The following NDUFV2 variants were observed in gnomAD, a reference collection of about 807,000 sequenced individuals.
NDUFV2 encodes the protein NADH dehydrogenase [ubiquinone] flavoprotein 2, mitochondrial.
Under a neutral mutation model 31.6 loss-of-function variants are expected in NDUFV2, and 18 were observed. That is an observed-to-expected ratio of 0.57 (90% CI 0.39 to 0.84). The LOEUF (loss-of-function observed/expected upper bound fraction) is 0.84, where lower values mean the gene tolerates loss of function less well. NDUFV2 is among the 40% of genes least tolerant of loss of function. The pLI is 0.00. For missense variants in NDUFV2, 314 were observed against 303.6 expected (o/e 1.03, Z -0.26); for synonymous variants, 83 against 99.8 (o/e 0.83, Z 1.01).
At chr18:9,106,680 T>C (rs2077843424) in intron 1 of NDUFV2, among the ~76,000 whole-genome samples, 1 of 152,180 alleles carries the variant, frequency 6.6e-6, no homozygotes, top group Admixed American at 6.5e-5. Flanking sequence ...CCACAAAACT[T>C]TGTGGCATAA....
chr18:9,133,115 G>A (rs2078054789), intron 7 of NDUFV2, among the ~76,000 whole-genome samples: 1 of 152,144 alleles, frequency 6.6e-6, no homozygotes, highest in Admixed American at 6.6e-5. Flanking sequence ...CATCTTGAAA[G>A]ATCTTATATT....
intron 4 of NDUFV2, 133 bp downstream of exon 4, chr18:9,119,723 T>C: frequency 4.0e-6 from 3 of 742,480 alleles, no homozygotes; most frequent in Non-Finnish European, 7.0e-6. Context: ...ATTTGTATGT[T>C]TCCTTGAATT....
chr18:9,119,281 T>C (rs1187602335), intron 2 of NDUFV2, 45 bp from the exon 3 acceptor site: 1 of 1,439,066 alleles, frequency 6.9e-7, no homozygotes, highest in African/African-American at 1.4e-5. Flanking sequence ...TCATTCACAC[T>C]TGAGAGAATT....
chr18:9,115,422 G>A (rs1352125430), intron 1 of NDUFV2, among the ~76,000 whole-genome samples: 1 of 151,994 alleles, frequency 6.6e-6, no homozygotes, highest in Non-Finnish European at 1.5e-5. Context: ...TTAGTATTTA[G>A]TTAAAACCTG....
chr18:9,119,012 T>TA (rs2077915260), intron 2 of NDUFV2, among the ~76,000 whole-genome samples: 2 of 152,140 alleles, frequency 1.3e-5, no homozygotes, highest in African/African-American at 4.8e-5. Context: ...TTTTGGTAAT[T>TA]CTATCAGAAG....
intron 7 of NDUFV2, among the ~76,000 whole-genome samples, chr18:9,133,023 A>G (rs1048774828): frequency 6.6e-6 from 1 of 152,158 alleles, no homozygotes; most frequent in Non-Finnish European, 1.5e-5. Context: ...AGTGAACAAG[A>G]CCTATAATCC....
chr18:9,123,055 C>A (rs1253764367), intron 5 of NDUFV2, among the ~76,000 whole-genome samples: 1 of 152,072 alleles, frequency 6.6e-6, no homozygotes, highest in Non-Finnish European at 1.5e-5. Flanking sequence ...CTAAAGAAGT[C>A]ATGGAACAAA....
chr18:9,115,215 C>T (rs1408758683), intron 1 of NDUFV2, among the ~76,000 whole-genome samples: 2 of 152,248 alleles, frequency 1.3e-5, no homozygotes, highest in East Asian at 3.9e-4. Context: ...ATTTCATTAA[C>T]ATCGTAATAA....
At chr18:9,124,462 TTTTGGA>T (rs2077969675) in intron 5 of NDUFV2, among the ~76,000 whole-genome samples, 1 of 149,428 alleles carries the variant, frequency 6.7e-6, no homozygotes, top group Non-Finnish European at 1.5e-5. Context: ...TTTTTTTTTT[TTTTGGA>T]GATGGAGTCT....
intron 4 of NDUFV2, among the ~76,000 whole-genome samples, chr18:9,120,137 T>C (rs1486846843): frequency 6.6e-6 from 1 of 152,170 alleles, no homozygotes; most frequent in Non-Finnish European, 1.5e-5. Context: ...TTTTTCCTAA[T>C]AGTTTTGAGC....
rs116617839 is a variant in NDUFV2 at position 9,109,781 on chromosome 18, C to T, written c.54+6984C>T. ...GACTCACTACAGATTTTTTAGGAATCGACGAAAAAAAGTATGTAGAAGAGC... is the reference window on the plus strand; with the variant it reads ...GACTCACTACAGATTTTTTAGGAATTGACGAAAAAAAGTATGTAGAAGAGC... On this transcript the variant is annotated intron_variant, in intron 1 of 7. Coordinates refer to ENST00000318388, the MANE Select transcript of NDUFV2 (RefSeq NM_021074.5). Among the ~76,000 whole-genome samples the T allele has an allele frequency of 8.2e-3, 1,240 of 151,744 alleles. 27 individuals carry two copies. The highest frequency in any genetic ancestry group is 0.028 in the African/African-American group (1,178 of 41,378).
intron 1 of NDUFV2, among the ~76,000 whole-genome samples, chr18:9,116,635 T>C (rs1269658439): frequency 5.9e-5 from 9 of 152,258 alleles, no homozygotes; most frequent in Admixed American, 5.9e-4. Context: ...TGTACCTTAG[T>C]CTTTTCTTGT....
chr18:9,123,227 A>G (rs532738336), intron 5 of NDUFV2, among the ~76,000 whole-genome samples: 2 of 152,342 alleles, frequency 1.3e-5, no homozygotes, highest in African/African-American at 4.8e-5. Context: ...AAATGAAGTA[A>G]TATTTTGTTA....
chr18:9,129,256 A>G (rs2078019836), intron 7 of NDUFV2, among the ~76,000 whole-genome samples: 1 of 151,834 alleles, frequency 6.6e-6, no homozygotes, highest in Admixed American at 6.6e-5. Context: ...GGCGTTTAGA[A>G]TCTTCTGCTT....
intron 7 of NDUFV2, chr18:9,133,621 A>C (rs1041641729): frequency 6.5e-6 from 1 of 153,318 alleles, no homozygotes; most frequent in African/African-American, 2.4e-5. Flanking sequence ...GTCCCAAATC[A>C]TATTTCCTCA....
chr18:9,124,638 C>CG (rs1240577530), intron 5 of NDUFV2, among the ~76,000 whole-genome samples: 29 of 151,474 alleles, frequency 1.9e-4, no homozygotes, highest in Middle Eastern at 3.4e-3. Context: ...TTAGTAGAGA[C>CG]GGGGTTTCAC....
At chr18:9,105,076 A>G in intron 1 of NDUFV2, 2 of 1,282,000 alleles carry the variant, frequency 1.6e-6, no homozygotes, top group South Asian at 4.2e-5. Flanking sequence ...AATGCTACAT[A>G]GCATTCCATT....
intron 6 of NDUFV2, among the ~76,000 whole-genome samples, chr18:9,126,118 G>C (rs2077988400): frequency 6.6e-6 from 1 of 152,208 alleles, no homozygotes; most frequent in South Asian, 2.1e-4. Flanking sequence ...GACAGTCAAG[G>C]CTTTGTGTGA....
At chr18:9,133,787 G>T (rs545722980) in intron 7 of NDUFV2, among the ~76,000 whole-genome samples, 1 of 152,260 alleles carries the variant, frequency 6.6e-6, no homozygotes, top group African/African-American at 2.4e-5. Flanking sequence ...GTTCTCTGGG[G>T]TTGGGTATTT....
Sources: gnomAD v4.1 joint callset for allele counts (sites outside exome capture counted in the v4.1 genomes callset) on GRCh38, gnomAD v4.1.1 for gene constraint, MANE v1.5 for transcripts, NCBI Gene and HGNC (gene_info 2026-07-23, HGNC 2026-07-21) for gene names.